The following ADGRG6 variants were observed in gnomAD, a reference collection of about 807,000 sequenced individuals.
The protein encoded by ADGRG6 is adhesion G protein-coupled receptor G6, also known as G-protein coupled receptor 126.
In ADGRG6, 84 loss-of-function variants were observed where a neutral mutation model predicts 142.4. The ratio of observed to expected loss-of-function variants is 0.59; its 90% CI spans 0.49 to 0.71. The LOEUF is 0.71. Ranked by LOEUF, ADGRG6 falls within the 30% of genes least tolerant of loss-of-function variation. The pLI, the probability that ADGRG6 is intolerant of heterozygous loss-of-function variation, is 0.00. For missense variants in ADGRG6, 1,367 were observed against 1,466.6 expected (o/e 0.93, Z 1.11); for synonymous variants, 521 against 520.5 (o/e 1.00, Z -0.01).
intron 9 of ADGRG6, among the ~76,000 whole-genome samples, chr6:142,396,630 T>G (rs146769900): frequency 4.9e-4 from 75 of 152,280 alleles, no homozygotes; most frequent in African/African-American, 1.7e-3. Flanking sequence ...AAAACAATAC[T>G]ACCACTTTGT....
In ADGRG6 at chr6:142,444,605, A is replaced by C. The variant is rs1777896344; in HGVS notation, c.*1090A>C. 1 of 152,206 alleles carries C rather than the reference A, an allele frequency of 6.6e-6. No individual in the cohort carries two copies. The highest frequency in any genetic ancestry group is 1.5e-5 in the Non-Finnish European group (1 of 68,038). The allele number at this position is 152,206 out of a possible 1,614,324, so 9.4% of individuals were successfully genotyped here. A position where few individuals can be genotyped will look rare whatever the true frequency, so the allele number is the denominator to read the frequency against. On this transcript the variant is annotated 3_prime_UTR_variant, in exon 25 of 25. Coordinates refer to ENST00000367609, the MANE Select transcript of ADGRG6 (RefSeq NM_198569.3). ...GTCTGCAATAGCTAGTCTAAAAACT[A>C]CTTGTGTGTCAGTCCTCTGGTTATA...
At chr6:142,367,109 G>A (rs1185403679) in intron 2 of ADGRG6, among the ~76,000 whole-genome samples, 1 of 151,898 alleles carries the variant, frequency 6.6e-6, no homozygotes, top group Non-Finnish European at 1.5e-5. Flanking sequence ...TTATATCTAT[G>A]ATTTGTAACA....
chr6:142,306,619 A>G (rs1463415771), intron 1 of ADGRG6, among the ~76,000 whole-genome samples: 2 of 152,154 alleles, frequency 1.3e-5, no homozygotes, highest in South Asian at 2.1e-4. Flanking sequence ...TACTTAAAAA[A>G]TGTTCCTGCT....
chr6:142,411,213 G>C (rs1776062077), intron 17 of ADGRG6, 92 bp from the exon 18 acceptor site: 2 of 740,262 alleles, frequency 2.7e-6, no homozygotes, highest in African/African-American at 3.4e-5. Flanking sequence ...TGGCAGAAGA[G>C]ACTGAGGCAA....
chr6:142,396,361 T>C (rs1308091933), intron 9 of ADGRG6, among the ~76,000 whole-genome samples: 1 of 152,166 alleles, frequency 6.6e-6, no homozygotes, highest in East Asian at 1.9e-4. Context: ...TGGTAAGCAG[T>C]AGATCATTTT....
rs1780376626 is a variant in ADGRG6 at position 142,355,087 on chromosome 6, G to C, written c.104-12482G>C. On this transcript the variant is annotated intron_variant, in intron 2 of 24. Transcript: ENST00000367609. The stretch of plus-strand genomic sequence containing the variant: ...ACCTGGGGTTTCTCATCTTTTCCTG[G>C]TTGAGATTTGATGGCAAAATGGCAC... Among the ~76,000 whole-genome samples the C allele has an allele frequency of 2.0e-5, 3 of 152,014 alleles. No homozygotes were observed. The South Asian group carries it at 6.2e-4, about 32-fold the overall frequency.
intron 9 of ADGRG6, among the ~76,000 whole-genome samples, chr6:142,396,762 G>T (rs889746762): frequency 6.6e-6 from 1 of 152,048 alleles, no homozygotes; most frequent in Admixed American, 6.6e-5. Flanking sequence ...ATAAGCAAAA[G>T]AAATTCTCCT....
At chr6:142,347,020 G>GT (rs1187896181) in intron 2 of ADGRG6, among the ~76,000 whole-genome samples, 10 of 151,634 alleles carry the variant, frequency 6.6e-5, no homozygotes, top group Non-Finnish European at 1.3e-4. Flanking sequence ...AACTTTATAT[G>GT]TTTTTTTAAA....
Position 142,388,263 on chromosome 6 carries a change from C to T in ADGRG6, c.1223-1995C>T, listed in dbSNP as rs144511614. Among the ~76,000 whole-genome samples the T allele has an allele frequency of 3.7e-3, 565 of 152,208 alleles. 2 individuals carry two copies. Among genetic ancestry groups the T allele is most frequent in the Non-Finnish European group, 5.7e-3 (389 of 67,964 alleles). ...AATAAGTATAACAAGTGGACTGGGGCAGGAAACAATGTTTAAAGAAAACAT... is the reference window on the plus strand; with the variant it reads ...AATAAGTATAACAAGTGGACTGGGGTAGGAAACAATGTTTAAAGAAAACAT... On this transcript the variant is annotated intron_variant, in intron 6 of 24. Transcript: ENST00000367609.
chr6:142,356,884 AT>A, intron 2 of ADGRG6, among the ~76,000 whole-genome samples: 1 of 152,208 alleles, frequency 6.6e-6, no homozygotes, highest in East Asian at 1.9e-4. Flanking sequence ...GCACAAAGTA[AT>A]CACTTACTAG....
Position 142,417,309 on chromosome 6 carries a change from G to A in ADGRG6, c.2975G>A (p.Ser992Asn). ...PALVVSVVLA[S>N]RNNNEVYGKE... ...TTAGTGGTGTCAGTTGTTCTAGCGAGCAGAAACAACAATGAAGTCTATGGA... is the reference window on the plus strand; with the variant it reads ...TTAGTGGTGTCAGTTGTTCTAGCGAACAGAAACAACAATGAAGTCTATGGA... Residue 992 changes from serine (S) to asparagine (N), a missense_variant, in exon 21 of 25, where the codon AGC becomes AAC. By Grantham distance (46) the Ser-to-Asn change is conservative (BLOSUM62 1). This residue lies in a region of ADGRG6 where 344 missense variants were observed against 348.7 expected (regional missense o/e 0.99). Transcript: ENST00000367609. 1 of 1,605,874 alleles carries A rather than the reference G, an allele frequency of 6.2e-7. No individual in the cohort carries two copies. Among genetic ancestry groups the A allele is most frequent in the South Asian group, 1.1e-5 (1 of 90,170 alleles).
intron 1 of ADGRG6, chr6:142,302,789 T>A (rs1426418502): frequency 5.9e-6 from 1 of 168,438 alleles, no homozygotes; most frequent in Non-Finnish European, 1.3e-5. Context: ...CACCATTGAC[T>A]GTAGAAGTTA....
chr6:142,396,110 C>A (rs1211008240), intron 9 of ADGRG6, among the ~76,000 whole-genome samples: 1 of 152,124 alleles, frequency 6.6e-6, no homozygotes, highest in African/African-American at 2.4e-5. Context: ...TTCAATATCA[C>A]CCACAATACT....
chr6:142,411,178 A>G, intron 17 of ADGRG6, 127 bp from the exon 18 acceptor site: 2 of 592,418 alleles, frequency 3.4e-6, no homozygotes, highest in Non-Finnish European at 6.3e-6. Flanking sequence ...TCATAATGGT[A>G]TCCATTTTAC....
intron 6 of ADGRG6, among the ~76,000 whole-genome samples, chr6:142,385,644 A>G (rs1202475856): frequency 3.3e-5 from 5 of 152,164 alleles, no homozygotes; most frequent in African/African-American, 1.2e-4. Context: ...ATGTTTTAAA[A>G]TTCTCCCTGT....
At chr6:142,347,900 G>C (rs994370311) in intron 2 of ADGRG6, among the ~76,000 whole-genome samples, 2 of 152,100 alleles carry the variant, frequency 1.3e-5, no homozygotes, top group Non-Finnish European at 1.5e-5. Context: ...TGATTTCTAT[G>C]TTGGTTATTT....
At chr6:142,410,963 G>A (rs1776050464) in intron 17 of ADGRG6, among the ~76,000 whole-genome samples, 1 of 151,088 alleles carries the variant, frequency 6.6e-6, no homozygotes, top group Non-Finnish European at 1.5e-5. Flanking sequence ...AGAAAAAATT[G>A]TTGGTTCATT....
intron 2 of ADGRG6, among the ~76,000 whole-genome samples, chr6:142,316,219 T>C (rs779741953): frequency 1.1e-4 from 17 of 152,170 alleles, no homozygotes; most frequent in Non-Finnish European, 2.1e-4. Context: ...TAAATTATTA[T>C]AAGTCAAAAA....
chr6:142,411,747 G>C (rs1315620283), intron 18 of ADGRG6, among the ~76,000 whole-genome samples: 1 of 152,094 alleles, frequency 6.6e-6, no homozygotes, highest in Non-Finnish European at 1.5e-5. Flanking sequence ...GTGGGAGGAG[G>C]GAGAGAAAGT....
Sources: gnomAD v4.1 joint callset for allele counts (sites outside exome capture counted in the v4.1 genomes callset) on GRCh38, gnomAD v4.1.1 for gene constraint, gnomAD v4.1.1 regional missense constraint, MANE v1.5 for transcripts, NCBI Gene and HGNC (gene_info 2026-07-23, HGNC 2026-07-21) for gene names.